The following CGNL1 variants were observed in gnomAD, a reference collection of about 807,000 sequenced individuals.
CGNL1 encodes the protein cingulin like 1.
A neutral mutation model predicts 141.2 loss-of-function variants in CGNL1; 132 were observed. The observed-to-expected ratio is 0.93, with a 90% CI of 0.81 to 1.08. The LOEUF is 1.08. CGNL1 is among the 50% of genes least tolerant of loss of function. The pLI, the probability that CGNL1 is intolerant of heterozygous loss-of-function variation, is 0.00. For missense variants in CGNL1, 1,870 were observed against 1,588.6 expected (o/e 1.18, Z -3.01); for synonymous variants, 690 against 622.1 (o/e 1.11, Z -1.63).
intron 10 of CGNL1, among the ~76,000 whole-genome samples, chr15:57,520,284 C>T (rs1303532537): frequency 6.6e-6 from 1 of 152,192 alleles, no homozygotes; most frequent in African/African-American, 2.4e-5. Context: ...TAGTCAGCTC[C>T]TTTTGTTTGG....
At chr15:57,459,130 T>G (rs1158251105) in intron 7 of CGNL1, among the ~76,000 whole-genome samples, 1 of 152,240 alleles carries the variant, frequency 6.6e-6, no homozygotes, top group Non-Finnish European at 1.5e-5. Context: ...GTGGCAACCA[T>G]GCCTCTGATT....
In CGNL1 at chr15:57,409,037, T is replaced by TCTCACACACA. The variant is rs143760210; in HGVS notation, c.-15-28947_-15-28946insTCACACACAC. ...GCCTGGGTGAGACAGTGAGACTCTGTCACACACACACACACACACACACAC... is the reference window on the plus strand; with the variant it reads ...GCCTGGGTGAGACAGTGAGACTCTGTCTCACACACACACACACACACACACACACACACAC... On this transcript the variant is annotated intron_variant, in intron 1 of 18. Coordinates refer to ENST00000281282, the MANE Select transcript of CGNL1 (RefSeq NM_032866.5). Among the ~76,000 whole-genome samples the TCTCACACACA allele has an allele frequency of 2.7e-3, 389 of 141,832 alleles. 3 individuals are homozygous for TCTCACACACA. The highest frequency in any genetic ancestry group is 9.6e-3 in the African/African-American group (362 of 37,822). The allele number at this position is 141,832 out of a possible 152,430, so 93.0% of individuals were successfully genotyped here. A position where few individuals can be genotyped will look rare whatever the true frequency, so the allele number is the denominator to read the frequency against.
chr15:57,540,056 T>C (rs2032481049), intron 14 of CGNL1, among the ~76,000 whole-genome samples: 2 of 152,174 alleles, frequency 1.3e-5, no homozygotes, highest in Admixed American at 1.3e-4. Context: ...TCTGTCTTCC[T>C]CTCCACCCAA....
chr15:57,488,508 A>G lies in CGNL1; in HGVS notation c.2403+26616A>G, dbSNP rs547494583. ...TTCTCTTCTTCTGCAGTCGAGTGAG[A>G]AGTGAGCAGAACTGGTGTAGGGACT... On this transcript the variant is annotated intron_variant, in intron 8 of 18. Transcript: ENST00000281282. Among the ~76,000 whole-genome samples the G allele has an allele frequency of 2.6e-4, 40 of 152,300 alleles. 1 individual carries two copies. In the South Asian group the frequency reaches 6.8e-3, roughly 26 times the overall value.
Position 57,451,588 on chromosome 15 carries a change from A to G in CGNL1, c.1892A>G (p.Gln631Arg), listed in dbSNP as rs754603614. Residue 631 changes from glutamine to arginine, a missense_variant, in exon 5 of 19, where the codon CAA (glutamine) becomes CGA (arginine). Transcript: ENST00000281282. ...GTGGCTGAACTTCAGAGACAGCTTC[A>G]ACTGGAAGTCAAGGTATCTGGTTTT... is the stretch of plus-strand genomic sequence containing the variant. Reference protein sequence around the residue: ...IEVAELQRQLQLEVKNQQNIK... With the variant: ...IEVAELQRQLRLEVKNQQNIK... The G allele has an allele frequency of 1.2e-6, 2 of 1,607,826 alleles. No individual in the cohort carries two copies. Among genetic ancestry groups the G allele is most frequent in the South Asian group, 2.2e-5 (2 of 90,290 alleles).
At position 57,516,805 on chromosome 15, in the gene CGNL1, G is replaced by A; in HGVS notation, c.2429G>A (p.Ser810Asn). 1 of 1,614,196 alleles carries A rather than the reference G, an allele frequency of 6.2e-7. No homozygotes were observed. The highest frequency in any genetic ancestry group is 8.5e-7 in the Non-Finnish European group (1 of 1,180,036). Reference sequence around the variant, plus strand: ...AATGTCGAGGTCTTGGCGAGCAGGAGCAACACTTCAGAGCAAGACCAGGCG... The same window carrying A: ...AATGTCGAGGTCTTGGCGAGCAGGAACAACACTTCAGAGCAAGACCAGGCG... ...TKNVEVLASRSNTSEQDQAGT... is the reference protein window; with the variant it reads ...TKNVEVLASRNNTSEQDQAGT... Residue 810 changes from serine to asparagine, a missense_variant, in exon 9 of 19, where the codon AGC (serine) becomes AAC (asparagine). By Grantham distance (46) the Ser-to-Asn change is conservative. Coordinates refer to ENST00000281282, the MANE Select transcript of CGNL1 (RefSeq NM_032866.5).
chr15:57,528,882 G>A, intron 13 of CGNL1, 67 bp downstream of exon 13: 1 of 1,526,984 alleles, frequency 6.5e-7, no homozygotes, highest in African/African-American at 1.4e-5. Flanking sequence ...GAGAGAAGCA[G>A]CCTCTTTGCT....
chr15:57,516,484 C>T (rs2030807852), intron 8 of CGNL1, among the ~76,000 whole-genome samples: 1 of 152,184 alleles, frequency 6.6e-6, no homozygotes, highest in Non-Finnish European at 1.5e-5. Context: ...GGCTTTGTGA[C>T]ACCATAGGCT....
chr15:57,528,843 G>A (rs764222815), intron 13 of CGNL1, 28 bp downstream of exon 13: 1 of 1,608,966 alleles, frequency 6.2e-7, no homozygotes, highest in East Asian at 2.2e-5. Flanking sequence ...TGTGAGCTGG[G>A]GGACCTGCAG....
Position 57,438,036 on chromosome 15 carries a change from C to T in CGNL1, c.37C>T (p.Gln13Ter). 3 of 1,613,606 alleles carry T rather than the reference C, an allele frequency of 1.9e-6. No individual in the cohort carries two copies. Among genetic ancestry groups the T allele is most frequent in the South Asian group, 2.2e-5 (2 of 91,062 alleles). Residue 13 changes from glutamine (Q) to a stop codon, truncating the protein, a stop_gained, in exon 2 of 19, where the codon CAG becomes TAG. Transcript: ENST00000281282. LOFTEE classifies it high-confidence loss of function. ...LYFGEYQHVQ[Q>*]EYGVHLRLAS... Reference sequence around the variant, plus strand: ...TTTCGGTGAATATCAACATGTGCAGCAGGAATATGGGGTCCATCTGAGACT... The same window carrying T: ...TTTCGGTGAATATCAACATGTGCAGTAGGAATATGGGGTCCATCTGAGACT...
At chr15:57,406,144 A>C (rs1435588865) in intron 1 of CGNL1, 1 of 152,384 alleles carries the variant, frequency 6.6e-6, no homozygotes, top group Admixed American at 6.5e-5. Flanking sequence ...GGCGGAGAGA[A>C]TCCTACCTGT....
At chr15:57,464,479 A>G (rs1362206796) in intron 8 of CGNL1, among the ~76,000 whole-genome samples, 4 of 152,192 alleles carry the variant, frequency 2.6e-5, no homozygotes, top group South Asian at 2.1e-4. Context: ...TGCCTGGGAC[A>G]TAGTCACATC....
chr15:57,526,041 A>G (rs955638148), intron 12 of CGNL1, among the ~76,000 whole-genome samples: 1 of 152,118 alleles, frequency 6.6e-6, no homozygotes, highest in South Asian at 2.1e-4. Flanking sequence ...CGTTTTATAT[A>G]ATGATTTTTA....
intron 8 of CGNL1, among the ~76,000 whole-genome samples, chr15:57,514,391 A>T (rs1339728651): frequency 6.6e-6 from 1 of 152,176 alleles, no homozygotes; most frequent in Non-Finnish European, 1.5e-5. Flanking sequence ...ACCACAAGTG[A>T]TCCGCCTGCC....
intron 1 of CGNL1, chr15:57,394,099 C>CTTTTTTTTTTTTTTT (rs1555429893): frequency 5.9e-5 from 2 of 34,160 alleles, no homozygotes; most frequent in Non-Finnish European, 6.0e-5. Flanking sequence ...AGGGTAATTT[C>CTTTTTTTTTTTTTTT]TGTTTGTTTT....
intron 1 of CGNL1, among the ~76,000 whole-genome samples, chr15:57,435,315 C>CT (rs1233221813): frequency 1.3e-5 from 2 of 151,694 alleles, no homozygotes; most frequent in East Asian, 3.9e-4. Flanking sequence ...GGTATCCACC[C>CT]TATGTAGAAC....
chr15:57,471,842 A>T (rs928414530), intron 8 of CGNL1, among the ~76,000 whole-genome samples: 3 of 152,166 alleles, frequency 2.0e-5, no homozygotes, highest in African/African-American at 7.2e-5. Flanking sequence ...TAATTAAGCA[A>T]ATATCTAAGG....
chr15:57,504,641 G>T (rs1481764731), intron 8 of CGNL1, among the ~76,000 whole-genome samples: 1 of 152,170 alleles, frequency 6.6e-6, no homozygotes, highest in Non-Finnish European at 1.5e-5. Flanking sequence ...TTGTTCCTGA[G>T]TCCCCGGGGG....
chr15:57,532,486 C>T (rs748183242), intron 14 of CGNL1, among the ~76,000 whole-genome samples: 14 of 152,172 alleles, frequency 9.2e-5, no homozygotes, highest in African/African-American at 2.9e-4. Context: ...AGGTCAAAAG[C>T]CTTTGGATAA....
Sources: allele counts gnomAD v4.1 joint callset (sites outside exome capture counted in the v4.1 genomes callset), GRCh38; gene constraint gnomAD v4.1.1; transcripts MANE v1.5; gene names NCBI Gene and HGNC (gene_info 2026-07-23, HGNC 2026-07-21).